Variants in MLN observed in about 807,000 individuals in gnomAD.
MLN encodes the protein motilin.
MLN carries 14 observed loss-of-function variants against 13.3 expected under a neutral mutation model. That is an observed-to-expected ratio of 1.05 (90% CI 0.69 to 1.64). MLN has a LOEUF of 1.64. MLN is among the 40% of genes most tolerant of loss of function. The pLI, the probability that MLN is intolerant of heterozygous loss-of-function variation, is 0.00. For synonymous variants in MLN, 59 were observed against 54.7 expected, an observed-to-expected ratio of 1.08 and a Z score of -0.34; for missense variants, 122 against 142.9, an observed-to-expected ratio of 0.85 and a Z score of 0.75.
rs528168479 is a variant in MLN at position 33,799,137 on chromosome 6, G to T, written c.202C>A (p.Pro68Thr). 17 of 1,610,746 alleles carry T rather than the reference G, an allele frequency of 1.1e-5. No homozygotes were observed. The highest frequency in any genetic ancestry group is 1.6e-4 in the Middle Eastern group (1 of 6,064). The change falls in exon 3 of 5, where the codon CCC (proline) becomes ACC (threonine). Residue 68 changes from proline to threonine, a missense_variant. Transcript: ENST00000430124. This position sits in a 1 kb window ranked among gnomAD's most constrained non-coding sequence, Gnocchi z 4.6. ...ATTTCGTTTTCTTCTTCCCTGATGG[G>T]CTCCGCAGGGTCTACAGGACCTTCC... is the stretch of plus-strand genomic sequence containing the variant. ...GEEGPVDPAE[P>T]IREEENEMIK... is the part of the protein sequence containing the mutation.
chr6:33,794,885 T>G (rs1271349262), intron 4 of MLN, 50 bp from the exon 5 acceptor site: 2 of 1,608,122 alleles, frequency 1.2e-6, no homozygotes, highest in Non-Finnish European at 1.7e-6. Flanking sequence ...GGTCTGCTTA[T>G]GAAACTGCCC....
chr6:33,799,037 T>C lies in MLN; in HGVS notation c.234+68A>G. 1 of 1,164,284 alleles carries C rather than the reference T, an allele frequency of 8.6e-7. No homozygotes were observed. Among genetic ancestry groups the C allele is most frequent in the Non-Finnish European group, 1.3e-6 (1 of 790,910 alleles). The allele number at this position is 1,164,284 out of a possible 1,614,324, so 72.1% of individuals were successfully genotyped here. ...CTCACTGTGGCTTGTGGGCTCTGCCTCCAGGCCAGGCAGGGGAATGCATGC... is the reference window on the plus strand; with the variant it reads ...CTCACTGTGGCTTGTGGGCTCTGCCCCCAGGCCAGGCAGGGGAATGCATGC... On this transcript the variant is annotated intron_variant, in intron 3 of 4. Transcript: ENST00000430124. This position sits in a 1 kb window ranked among gnomAD's most constrained non-coding sequence, Gnocchi z 4.6.
chr6:33,796,462 C>T (rs115660494), intron 3 of MLN, among the ~76,000 whole-genome samples: 2,492 of 152,288 alleles, frequency 0.016, 73 homozygotes, highest in African/African-American at 0.053. Flanking sequence ...GAGCCTAGGG[C>T]GCTGATTGAT....
rs1040923237 is a variant in MLN at position 33,797,186 on chromosome 6, G to A, written c.235-1581C>T. 4.6e-5 allele frequency among the ~76,000 whole-genome samples: 7 copies of A among 152,336 alleles called. No homozygotes were observed. In the East Asian group the frequency reaches 7.7e-4, roughly 17 times the overall value. On this transcript the variant is annotated intron_variant, in intron 3 of 4. Transcript: ENST00000430124. ...GTTCTGCCCTGACTCCTGTGTGACC[G>A]TGACAAGGCCCCTGCTCTCTCTGGA...
Position 33,799,140 on chromosome 6 carries a change from C to T in MLN, c.199G>A (p.Glu67Lys), listed in dbSNP as rs1229670353. The change falls in exon 3 of 5, where the codon GAG (glutamate) becomes AAG (lysine). Residue 67 changes from glutamate to lysine, a missense_variant. Coordinates refer to ENST00000430124, the MANE Select transcript of MLN (RefSeq NM_002418.3). The surrounding 1 kb of genome is among the most constrained non-coding windows in gnomAD (Gnocchi z 4.6). The stretch of plus-strand genomic sequence containing the variant: ...TCGTTTTCTTCTTCCCTGATGGGCT[C>T]CGCAGGGTCTACAGGACCTTCCTCC... ...SGEEGPVDPA[E>K]PIREEENEMI... is the part of the protein sequence containing the mutation. 13 of 1,611,924 alleles carry T rather than the reference C, an allele frequency of 8.1e-6. No homozygotes were observed. Among genetic ancestry groups the T allele is most frequent in the Admixed American group, 5.0e-5 (3 of 59,916 alleles).
chr6:33,795,373 G>C, intron 4 of MLN, 130 bp downstream of exon 4: 1 of 723,640 alleles, frequency 1.4e-6, no homozygotes. Flanking sequence ...AGCCCAGGGA[G>C]AAGACGGCTC....
chr6:33,799,270 G>T lies in MLN; in HGVS notation c.118-49C>A. ...ACAAAACCGCCCTCCCTCAACCCACGCTGATGGCCCCTTGCCTGTCTCCAT... is the reference window on the plus strand; with the variant it reads ...ACAAAACCGCCCTCCCTCAACCCACTCTGATGGCCCCTTGCCTGTCTCCAT... On this transcript the variant is annotated intron_variant, in intron 2 of 4. Transcript: ENST00000430124. The surrounding 1 kb of genome is among the most constrained non-coding windows in gnomAD (Gnocchi z 4.6). The T allele has an allele frequency of 4.4e-6, 6 of 1,348,372 alleles. 1 individual carries two copies. The highest frequency in any genetic ancestry group is 1.7e-5 in the Admixed American group (1 of 58,366). 83.5% of individuals were successfully genotyped at this position (1,348,372 alleles called of 1,614,324 possible). A position where few individuals can be genotyped will look rare whatever the true frequency, so the allele number is the denominator to read the frequency against.
chr6:33,794,932 C>T, intron 4 of MLN, 97 bp from the exon 5 acceptor site: 1 of 1,482,986 alleles, frequency 6.7e-7, no homozygotes, highest in Non-Finnish European at 9.3e-7. Flanking sequence ...GAGGAGGGGG[C>T]ACAAGGGCAG....
chr6:33,794,949 C>G, intron 4 of MLN, 114 bp from the exon 5 acceptor site: 1 of 1,357,540 alleles, frequency 7.4e-7, no homozygotes, highest in Non-Finnish European at 1.0e-6. Flanking sequence ...GCAGGCTGGG[C>G]GGGAAGGTGG....
chr6:33,794,777 G>T lies in MLN; in HGVS notation c.*48C>A. ...CTGTAAATTCCCAGGGCCTCACTTG[G>T]GCAGGAGGGGCCTCCCAAATCTGTC... On this transcript the variant is annotated 3_prime_UTR_variant, in exon 5 of 5. Transcript: ENST00000430124. 1 of 1,610,876 alleles carries T rather than the reference G, an allele frequency of 6.2e-7. No homozygotes were observed. Among genetic ancestry groups the T allele is most frequent in the Non-Finnish European group, 8.5e-7 (1 of 1,178,530 alleles).
chr6:33,797,697 C>T (rs569381750), intron 3 of MLN, among the ~76,000 whole-genome samples: 6 of 151,910 alleles, frequency 3.9e-5, no homozygotes, highest in Admixed American at 2.0e-4. Flanking sequence ...CGCCCGAGGC[C>T]GAACTCTCTC....
chr6:33,795,068 G>T (rs1001893040), intron 4 of MLN, among the ~76,000 whole-genome samples: 1 of 152,152 alleles, frequency 6.6e-6, no homozygotes, highest in East Asian at 1.9e-4. Context: ...TCTCCTCCTG[G>T]GGACTATGAG....
At position 33,799,838 on chromosome 6, in the gene MLN, C is replaced by G. The variant is rs1278947063; in HGVS notation, c.118-617G>C. Reference sequence around the variant, plus strand: ...ATTGGGTTTGACTGTTCCTGTCCAGCCCCCAGTCTTGCCCGGCATGCTGCT... The same window carrying G: ...ATTGGGTTTGACTGTTCCTGTCCAGGCCCCAGTCTTGCCCGGCATGCTGCT... On this transcript the variant is annotated intron_variant, in intron 2 of 4. Coordinates refer to ENST00000430124, the MANE Select transcript of MLN (RefSeq NM_002418.3). The surrounding 1 kb of genome is among the most constrained non-coding windows in gnomAD (Gnocchi z 4.6). Among the ~76,000 whole-genome samples the G allele has an allele frequency of 6.6e-6, 1 of 152,188 alleles. No homozygotes were observed. The highest frequency in any genetic ancestry group is 1.9e-4 in the East Asian group (1 of 5,196).
At chr6:33,800,256 T>C (rs1768012177) in intron 2 of MLN, among the ~76,000 whole-genome samples, 1 of 152,224 alleles carries the variant, frequency 6.6e-6, no homozygotes, top group South Asian at 2.1e-4. Flanking sequence ...AAAGTCCCTT[T>C]CTTCATCTCC....
intron 1 of MLN, among the ~76,000 whole-genome samples, chr6:33,802,858 T>C (rs760723921): frequency 6.6e-5 from 10 of 152,246 alleles, no homozygotes; most frequent in Admixed American, 2.0e-4. Flanking sequence ...GCGCGTTCCC[T>C]GAAGAGTCTC....
intron 4 of MLN, 59 bp from the exon 5 acceptor site, chr6:33,794,894 C>T: frequency 6.3e-7 from 1 of 1,598,500 alleles, no homozygotes; most frequent in African/African-American, 1.3e-5. Context: ...ATGAAACTGC[C>T]CTCTAAAACT....
intron 3 of MLN, among the ~76,000 whole-genome samples, chr6:33,797,073 G>A (rs747499044): frequency 7.2e-5 from 11 of 152,158 alleles, no homozygotes; most frequent in Admixed American, 4.6e-4. Flanking sequence ...TGCAGAGTGC[G>A]GCAACAGCAC....
intron 1 of MLN, among the ~76,000 whole-genome samples, chr6:33,802,559 C>T (rs990086584): frequency 6.6e-6 from 1 of 152,214 alleles, no homozygotes; most frequent in Non-Finnish European, 1.5e-5. Context: ...CCCTACCACG[C>T]CAGACGCTCC....
At chr6:33,801,229 G>A in intron 1 of MLN, 59 bp from the exon 2 acceptor site, 1 of 1,297,156 alleles carries the variant, frequency 7.7e-7, no homozygotes, top group Non-Finnish European at 1.1e-6. Flanking sequence ...AGACTGCTGT[G>A]TCCGAGGCAG....
Sources: gnomAD v4.1 joint callset for allele counts (sites outside exome capture counted in the v4.1 genomes callset) on GRCh38, gnomAD v4.1.1 for gene constraint, Gnocchi (gnomAD v3.1) non-coding constraint, MANE v1.5 for transcripts, NCBI Gene and HGNC (gene_info 2026-07-23, HGNC 2026-07-21) for gene names.